The following FGF14 variants were observed in gnomAD, a reference collection of about 807,000 sequenced individuals.
The protein encoded by FGF14 is fibroblast growth factor 14.
FGF14 carries 5 observed loss-of-function variants against 25.5 expected under a neutral mutation model. The ratio of observed to expected loss-of-function variants is 0.20; its 90% CI spans 0.10 to 0.41. FGF14 has a LOEUF of 0.41. FGF14 is among the 10% of genes least tolerant of loss of function. The pLI, the probability that FGF14 is intolerant of heterozygous loss-of-function variation, is 1.00. For synonymous variants in FGF14, 138 were observed against 118.3 expected (o/e 1.17, Z -1.08); for missense variants, 222 against 320.1 (o/e 0.69, Z 2.34).
intron 1 of FGF14, among the ~76,000 whole-genome samples, chr13:102,267,565 A>G (rs1395920768): frequency 6.6e-6 from 1 of 152,222 alleles, no homozygotes; most frequent in Non-Finnish European, 1.5e-5. Flanking sequence ...TATATGTATC[A>G]TATCTATGGT....
intron 1 of FGF14, among the ~76,000 whole-genome samples, chr13:102,198,076 C>A (rs1369729461): frequency 6.6e-6 from 1 of 152,206 alleles, no homozygotes; most frequent in Admixed American, 6.5e-5. Context: ...CTTCCCCTAC[C>A]CGCCCTGGCG....
chr13:102,181,331 A>G (rs2048666259), intron 1 of FGF14, among the ~76,000 whole-genome samples: 1 of 152,162 alleles, frequency 6.6e-6, no homozygotes. Context: ...GTAAAAGGTA[A>G]AAGGCAGATG....
chr13:101,811,720 T>A (rs1188336244), intron 3 of FGF14, among the ~76,000 whole-genome samples: 1 of 152,208 alleles, frequency 6.6e-6, no homozygotes, highest in Admixed American at 6.5e-5. Flanking sequence ...TGTAAAATTT[T>A]ACATCCCAAC....
intron 1 of FGF14, among the ~76,000 whole-genome samples, chr13:102,304,779 G>C (rs1448347233): frequency 6.6e-6 from 1 of 152,120 alleles, no homozygotes; most frequent in Non-Finnish European, 1.5e-5. Context: ...GCACCAACTT[G>C]CTATCCAAAT....
chr13:102,269,973 G>T (rs555966427), intron 1 of FGF14, among the ~76,000 whole-genome samples: 7 of 152,282 alleles, frequency 4.6e-5, no homozygotes, highest in African/African-American at 1.7e-4. Context: ...CTGTTCAAAG[G>T]CAGGGACCAG....
chr13:101,828,026 TCTA>T (rs1408489086), intron 3 of FGF14, among the ~76,000 whole-genome samples: 1 of 151,836 alleles, frequency 6.6e-6, no homozygotes, highest in East Asian at 1.9e-4. Flanking sequence ...TATTATGAAA[TCTA>T]CTACTTTAAT....
At chr13:102,216,434 A>G (rs565063522) in intron 1 of FGF14, among the ~76,000 whole-genome samples, 20 of 152,354 alleles carry the variant, frequency 1.3e-4, no homozygotes, top group Non-Finnish European at 2.6e-4. Flanking sequence ...TGTTACATGG[A>G]AGGCTCTATG....
chr13:101,892,868 G>C (rs2029962875), intron 1 of FGF14, among the ~76,000 whole-genome samples: 1 of 152,156 alleles, frequency 6.6e-6, no homozygotes, highest in Non-Finnish European at 1.5e-5. Context: ...AATGAGGATG[G>C]AAAAGATGGC....
intron 1 of FGF14, among the ~76,000 whole-genome samples, chr13:102,273,268 G>A (rs1001071198): frequency 3.9e-5 from 6 of 152,230 alleles, no homozygotes; most frequent in Admixed American, 3.3e-4. Flanking sequence ...CCACTGATCC[G>A]TCGACTAATC....
chr13:101,824,794 C>T (rs1304595872), intron 3 of FGF14, among the ~76,000 whole-genome samples: 4 of 152,064 alleles, frequency 2.6e-5, no homozygotes, highest in African/African-American at 9.7e-5. Flanking sequence ...AGGAGAGGGG[C>T]TGAAGGTTAA....
chr13:101,967,637 G>C (rs7993843), intron 1 of FGF14: 27,714 of 153,534 alleles, frequency 0.18, 2,953 homozygotes, highest in East Asian at 0.48. Context: ...TCTTTAGATA[G>C]CTTACACGTT....
intron 1 of FGF14, among the ~76,000 whole-genome samples, chr13:102,330,430 C>G (rs553695986): frequency 2.6e-5 from 4 of 152,120 alleles, no homozygotes; most frequent in Non-Finnish European, 5.9e-5. Flanking sequence ...ACTCTCTCTC[C>G]TGCATCATCT....
chr13:102,275,483 A>C (rs2053491849), intron 1 of FGF14, among the ~76,000 whole-genome samples: 1 of 152,134 alleles, frequency 6.6e-6, no homozygotes, highest in African/African-American at 2.4e-5. Flanking sequence ...CAAACATAAC[A>C]TTTGAAATAT....
At chr13:102,265,587 T>C (rs1022229453) in intron 1 of FGF14, among the ~76,000 whole-genome samples, 40 of 152,170 alleles carry the variant, frequency 2.6e-4, no homozygotes, top group African/African-American at 9.7e-4. Flanking sequence ...TTGGTAACAT[T>C]CCAGATTTTC....
intron 1 of FGF14, among the ~76,000 whole-genome samples, chr13:101,909,148 A>G (rs1478943432): frequency 1.3e-5 from 2 of 152,190 alleles, no homozygotes; most frequent in African/African-American, 4.8e-5. Flanking sequence ...CTAGAAGTAA[A>G]CCTAGGCAAT....
At chr13:102,107,721 G>T (rs1418285009) in intron 1 of FGF14, among the ~76,000 whole-genome samples, 1 of 152,162 alleles carries the variant, frequency 6.6e-6, no homozygotes, top group Non-Finnish European at 1.5e-5. Context: ...AATTTCTTAA[G>T]ATGGCATGAT....
intron 1 of FGF14, among the ~76,000 whole-genome samples, chr13:102,205,834 A>G (rs766119609): frequency 1.3e-5 from 2 of 151,456 alleles, no homozygotes; most frequent in Non-Finnish European, 2.9e-5. Context: ...CAAAATGGGA[A>G]GTGGAAAGTG....
At chr13:101,868,885 A>C in intron 2 of FGF14, 57 bp from the exon 3 acceptor site, 1 of 1,125,080 alleles carries the variant, frequency 8.9e-7, no homozygotes, top group Non-Finnish European at 1.4e-6. Context: ...GGCAGAGTGT[A>C]ATTTTTTCTT....
intron 1 of FGF14, among the ~76,000 whole-genome samples, chr13:102,065,953 T>C (rs2042887461): frequency 6.6e-6 from 1 of 152,082 alleles, no homozygotes; most frequent in African/African-American, 2.4e-5. Flanking sequence ...TAAAAGCATA[T>C]TTAGACAGTT....
Sources: allele counts gnomAD v4.1 joint callset (sites outside exome capture counted in the v4.1 genomes callset), GRCh38; gene constraint gnomAD v4.1.1; transcripts MANE v1.5; gene names NCBI Gene and HGNC (gene_info 2026-07-23, HGNC 2026-07-21).